Variants in LINC00632 observed in about 807,000 individuals in gnomAD.
The protein encoded by LINC00632 is ALDOA related specific transcript.
intron 2 of LINC00632, among the ~76,000 whole-genome samples, chrX:140,718,359 T>A (rs143820266): frequency 0.013 from 1,460 of 109,225 alleles, 25 homozygotes; most frequent in African/African-American, 0.045. Context: ...TCATAGTGAA[T>A]ACTCTCACCG....
Position 140,709,929 on chromosome X carries a change from C to T in LINC00632, n.68+124C>T, listed in dbSNP as rs1930481103. On this transcript the variant is annotated intron_variant and non_coding_transcript_variant, in intron 1 of 4. Coordinates refer to ENST00000648200, the Ensembl canonical transcript of LINC00632. ...AGGAATCTCTGATTCTAATCAGCAGCATTGGGAAATGGATTAATTAAATTC... is the reference window on the plus strand; with the variant it reads ...AGGAATCTCTGATTCTAATCAGCAGTATTGGGAAATGGATTAATTAAATTC... The T allele has an allele frequency of 2.3e-5, 5 of 216,666 alleles. No individual in the cohort carries two copies. The South Asian group carries it at 3.4e-4, about 15-fold the overall frequency. The allele number at this position is 216,666 out of a possible 1,213,427, so 17.9% of individuals were successfully genotyped here. A position where few individuals can be genotyped will look rare whatever the true frequency, so the allele number is the denominator to read the frequency against.
chrX:140,741,665 G>T (rs1338883985), intron 3 of LINC00632, among the ~76,000 whole-genome samples: 2 of 111,909 alleles, frequency 1.8e-5, no homozygotes, highest in Non-Finnish European at 3.8e-5. Context: ...GTAAGGAAAG[G>T]ACTCTTTTGT....
intron 3 of LINC00632, among the ~76,000 whole-genome samples, chrX:140,745,395 A>C (rs145843751): frequency 9.0e-6 from 1 of 110,884 alleles, no homozygotes; most frequent in African/African-American, 3.3e-5. Context: ...TGCTTAGCTA[A>C]GTTTTTCTCA....
intron 3 of LINC00632, among the ~76,000 whole-genome samples, chrX:140,738,244 C>T (rs753672188): frequency 2.7e-5 from 3 of 111,773 alleles, no homozygotes; most frequent in Non-Finnish European, 5.6e-5. Flanking sequence ...AGAGAGAATA[C>T]ACGTAAGAGT....
chrX:140,744,759 T>A (rs1463543252), intron 3 of LINC00632, among the ~76,000 whole-genome samples: 1 of 110,076 alleles, frequency 9.1e-6, no homozygotes, highest in Admixed American at 9.8e-5. Context: ...TAGTAGAGAC[T>A]GGGTTTCACC....
At chrX:140,769,478 AC>A (rs751003439) in intron 3 of LINC00632, among the ~76,000 whole-genome samples, 16 of 97,300 alleles carry the variant, frequency 1.6e-4, no homozygotes, top group Admixed American at 7.1e-4. Flanking sequence ...TCTCCACCCC[AC>A]CCCCCCCATG....
intron 2 of LINC00632, among the ~76,000 whole-genome samples, chrX:140,727,962 C>T (rs1181250452): frequency 2.7e-5 from 3 of 111,615 alleles, no homozygotes; most frequent in East Asian, 2.9e-4. Context: ...TCTTACAGGC[C>T]GGGCGTGGTG....
At chrX:140,764,109 C>T (rs191754075) in intron 3 of LINC00632, among the ~76,000 whole-genome samples, 3 of 110,530 alleles carry the variant, frequency 2.7e-5, no homozygotes, top group Non-Finnish European at 5.7e-5. Flanking sequence ...TTGTGTGTAT[C>T]TGTTAGGATT....
At chrX:140,758,658 G>A (rs1223648869) in intron 3 of LINC00632, among the ~76,000 whole-genome samples, 1 of 111,898 alleles carries the variant, frequency 8.9e-6, no homozygotes, top group African/African-American at 3.2e-5. Flanking sequence ...GATTACAGGC[G>A]TGAGCCACCG....
Position 140,787,216 on chromosome X carries a change from G to C in LINC00632, n.15235G>C, listed in dbSNP as rs142065451. On this transcript the variant is annotated non_coding_transcript_exon_variant, in exon 5 of 5. Transcript: ENST00000648200. ...TTCTCAAATAATTTCAGTATCTAGA[G>C]ATAATCACTGTAAGGATTTTCGTGT... 5.0e-3 allele frequency among the ~76,000 whole-genome samples: 557 copies of C among 111,155 alleles called. 2 individuals carry two copies. Among genetic ancestry groups the C allele is most frequent in the African/African-American group, 0.017 (536 of 30,727 alleles).
At chrX:140,718,344 T>C (rs1178373110) in intron 2 of LINC00632, among the ~76,000 whole-genome samples, 1 of 109,710 alleles carries the variant, frequency 9.1e-6, no homozygotes, top group East Asian at 2.9e-4. Flanking sequence ...AAGCACAGAA[T>C]TGCATCATAG....
intron 2 of LINC00632, among the ~76,000 whole-genome samples, chrX:140,724,059 A>ACT (rs1417669274): frequency 4.1e-5 from 4 of 97,234 alleles, no homozygotes; most frequent in African/African-American, 1.4e-4. Context: ...GTATGCACAC[A>ACT]CACACATTCC....
intron 3 of LINC00632, among the ~76,000 whole-genome samples, chrX:140,735,555 G>GTATTTATTTATT (rs574366226): frequency 1.1e-4 from 12 of 109,467 alleles, no homozygotes; most frequent in African/African-American, 4.1e-4. Context: ...TGATAAAATG[G>GTATTTATTTATT]TATTTATTTA....
chrX:140,730,442 CT>C (rs1190008991), intron 2 of LINC00632, among the ~76,000 whole-genome samples: 1 of 110,943 alleles, frequency 9.0e-6, no homozygotes, highest in East Asian at 2.8e-4. Flanking sequence ...CACACTGAGA[CT>C]TACCTCACCT....
chrX:140,785,151 C>A (rs1278741007), exon 5 of LINC00632, among the ~76,000 whole-genome samples: 1 of 103,150 alleles, frequency 9.7e-6, no homozygotes. Context: ...TAATTTTTAT[C>A]ATTGGTCTTA....
At chrX:140,721,707 C>T (rs147071257) in intron 2 of LINC00632, among the ~76,000 whole-genome samples, 73 of 111,068 alleles carry the variant, frequency 6.6e-4, no homozygotes, top group African/African-American at 1.8e-3. Context: ...AATACACAAA[C>T]CATCCTAATA....
At chrX:140,717,476 C>T (rs1260647932) in intron 2 of LINC00632, among the ~76,000 whole-genome samples, 1 of 110,805 alleles carries the variant, frequency 9.0e-6, no homozygotes, top group Non-Finnish European at 1.9e-5. Context: ...ACCATCCCAA[C>T]TGCACAGCGT....
At chrX:140,719,707 A>G (rs1046125403) in intron 2 of LINC00632, among the ~76,000 whole-genome samples, 2 of 110,824 alleles carry the variant, frequency 1.8e-5, no homozygotes, top group Non-Finnish European at 3.8e-5. Flanking sequence ...AGAGAAACAC[A>G]ATGTGCAGAT....
chrX:140,773,206 A>AATAAG (rs1556029069), exon 4 of LINC00632, among the ~76,000 whole-genome samples: 1 of 109,042 alleles, frequency 9.2e-6, no homozygotes, highest in African/African-American at 3.5e-5. Context: ...GAAGAGAAGA[A>AATAAG]AGAAGAGAAG....
Sources: gnomAD v4.1 joint callset for allele counts (sites outside exome capture counted in the v4.1 genomes callset) on GRCh38, gnomAD v4.1.1 for gene constraint, MANE v1.5 for transcripts, NCBI Gene and HGNC (gene_info 2026-07-23, HGNC 2026-07-21) for gene names.